SERPINB8: variants seen among roughly 807,000 people sequenced by gnomAD.
SERPINB8 encodes the protein serpin B8.
Under a neutral mutation model 35.3 loss-of-function variants are expected in SERPINB8, and 25 were observed. That is an observed-to-expected ratio of 0.71 (90% CI 0.52 to 0.99). The LOEUF is 0.99. Among genes scored for constraint, SERPINB8 ranks in the 50% least tolerant of loss-of-function variants. The pLI is 0.00. For missense variants in SERPINB8, 484 were observed against 446.5 expected (o/e 1.08, Z -0.76); for synonymous variants, 186 against 160.8 (o/e 1.16, Z -1.19).
At chr18:63,971,399 G>C (rs2050478080) in intron 1 of SERPINB8, among the ~76,000 whole-genome samples, 1 of 152,182 alleles carries the variant, frequency 6.6e-6, no homozygotes, top group Admixed American at 6.5e-5. Flanking sequence ...GGCTGTCTTT[G>C]TTACAGGTTC....
At position 64,004,654 on chromosome 18, in the gene SERPINB8, G is replaced by A. The variant is rs528615890; in HGVS notation, c.71-165G>A. Among the ~76,000 whole-genome samples the A allele has an allele frequency of 3.9e-5, 6 of 152,206 alleles. No individual in the cohort carries two copies. The East Asian group carries it at 1.2e-3, about 29-fold the overall frequency. ...ATATTTGGAAATTTGAAAGCTTGCT[G>A]ATTTTTATTTATTTTTACTTCACTT... On this transcript the variant is annotated intron_variant, in intron 1 of 1. Transcript: ENST00000493661.
chr18:64,004,581 G>A (rs969027114), intron 1 of SERPINB8, among the ~76,000 whole-genome samples: 2 of 152,108 alleles, frequency 1.3e-5, no homozygotes, highest in African/African-American at 4.8e-5. Context: ...TCACTTTTAA[G>A]AGCTATGTAT....
downstream of SERPINB8, among the ~76,000 whole-genome samples, chr18:64,006,893 G>A (rs539680400): frequency 6.6e-6 from 1 of 151,956 alleles, no homozygotes; most frequent in East Asian, 1.9e-4. Context: ...AAACAAGGCT[G>A]AAAAAAACCT....
chr18:63,983,834 C>A, intron 5 of SERPINB8, 113 bp downstream of exon 5: 1 of 771,270 alleles, frequency 1.3e-6, no homozygotes, highest in Non-Finnish European at 2.1e-6. Flanking sequence ...TAATCTATTT[C>A]TGAATTATAT....
chr18:64,012,068 G>A (rs929724865), intron 7 of SERPINB8, among the ~76,000 whole-genome samples: 2 of 151,936 alleles, frequency 1.3e-5, no homozygotes, highest in African/African-American at 4.8e-5. Flanking sequence ...CTTAAGACCC[G>A]TAACTATTTA....
At chr18:63,972,551 A>G (rs1426589444) in intron 1 of SERPINB8, among the ~76,000 whole-genome samples, 2 of 152,096 alleles carry the variant, frequency 1.3e-5, no homozygotes, top group Admixed American at 6.5e-5. Flanking sequence ...AGTTTGATAC[A>G]TAGGTATACA....
At chr18:64,003,072 C>T (rs1029355065) in intron 1 of SERPINB8, among the ~76,000 whole-genome samples, 1 of 152,250 alleles carries the variant, frequency 6.6e-6, no homozygotes, top group East Asian at 1.9e-4. Context: ...TGCCTACTGA[C>T]ACCTGGCCTC....
Position 63,985,941 on chromosome 18 carries a change from C to G in SERPINB8, c.720+696C>G, listed in dbSNP as rs192558906. ...TCTCATGACATGGTAAATACTCCCA[C>G]CATGGCCGACTTTAGTCTACTGAGG... is the stretch of plus-strand genomic sequence containing the variant. On this transcript the variant is annotated intron_variant, in intron 6 of 6. Transcript: ENST00000397985. Among the ~76,000 whole-genome samples the G allele has an allele frequency of 5.2e-3, 791 of 152,248 alleles. 4 individuals are homozygous for G. The highest frequency in any genetic ancestry group is 6.6e-3 in the Non-Finnish European group (446 of 68,016).
Position 63,987,097 on chromosome 18 carries a change from A to G in SERPINB8, c.944A>G (p.His315Arg), listed in dbSNP as rs773149237. The G allele has an allele frequency of 5.6e-6, 9 of 1,614,084 alleles. No individual in the cohort carries two copies. Among genetic ancestry groups the G allele is most frequent in the African/African-American group, 1.3e-5 (1 of 74,934 alleles). ...EKNVPLSKVA[H>R]KCFVEVNEEG... The stretch of plus-strand genomic sequence containing the variant: ...AATGTGCCTCTGTCCAAGGTTGCCC[A>G]CAAGTGCTTCGTGGAGGTCAATGAG... Residue 315 changes from histidine (H) to arginine (R), a missense_variant, in exon 7 of 7, where the codon CAC becomes CGC. Coordinates refer to ENST00000397985, the MANE Select transcript of SERPINB8 (RefSeq NM_002640.4).
chr18:63,974,449 T>A (rs1884335834), intron 1 of SERPINB8, among the ~76,000 whole-genome samples: 1 of 152,180 alleles, frequency 6.6e-6, no homozygotes, highest in African/African-American at 2.4e-5. Context: ...ATCATATACT[T>A]GGAAACGTAA....
downstream of SERPINB8, among the ~76,000 whole-genome samples, chr18:63,990,673 C>G (rs927178476): frequency 6.6e-6 from 1 of 151,204 alleles, no homozygotes; most frequent in East Asian, 1.9e-4. Flanking sequence ...TCCCTCCCCC[C>G]CACCCCACAA....
rs1193872039 is a variant in SERPINB8, at chr18:63,987,988, A to G, written c.*710A>G. The G allele has an allele frequency of 1.3e-5, 2 of 152,240 alleles. No homozygotes were observed. Among genetic ancestry groups the G allele is most frequent in the Admixed American group, 6.5e-5 (1 of 15,286 alleles). 9.4% of individuals were successfully genotyped at this position (152,240 alleles called of 1,614,324 possible). A position where few individuals can be genotyped will look rare whatever the true frequency, so the allele number is the denominator to read the frequency against. ...TACGCAACACACCACTGAGTCCTCT[A>G]ACTAATCATATGTGCTCAGACACAG... On this transcript the variant is annotated 3_prime_UTR_variant, in exon 7 of 7. Coordinates refer to ENST00000397985, the MANE Select transcript of SERPINB8 (RefSeq NM_002640.4).
In SERPINB8 at chr18:63,970,165, C is replaced by G. The variant is rs1398270037; in HGVS notation, c.-16C>G. ...GCGGCGGCGGCAGCAGCAGCAGCAGCAGGAGGTGGGGGCCTCTGCCAGGTA... is the reference window on the plus strand; with the variant it reads ...GCGGCGGCGGCAGCAGCAGCAGCAGGAGGAGGTGGGGGCCTCTGCCAGGTA... On this transcript the variant is annotated 5_prime_UTR_variant, in exon 1 of 7. Coordinates refer to ENST00000397985, the MANE Select transcript of SERPINB8 (RefSeq NM_002640.4). 8.7e-5 allele frequency: 31 copies of G among 356,820 alleles called. No homozygotes were observed. Among genetic ancestry groups the G allele is most frequent in the South Asian group, 1.5e-4 (7 of 46,504 alleles). 22.1% of individuals were successfully genotyped at this position (356,820 alleles called of 1,614,324 possible).
At chr18:63,981,699 A>T in intron 3 of SERPINB8, 22 bp from the exon 4 acceptor site, 1 of 1,512,192 alleles carries the variant, frequency 6.6e-7, no homozygotes, top group Admixed American at 1.8e-5. Context: ...ATGAGACTAA[A>T]CTCAGTGTTT....
intron 6 of SERPINB8, 113 bp from the exon 7 acceptor site, chr18:63,986,761 G>T: frequency 7.3e-7 from 1 of 1,379,124 alleles, no homozygotes; most frequent in Non-Finnish European, 9.7e-7. Context: ...AGATTTTCTT[G>T]GACCAGAACT....
chr18:64,008,253 A>AT (rs1008684216), downstream of SERPINB8, among the ~76,000 whole-genome samples: 3 of 151,890 alleles, frequency 2.0e-5, no homozygotes, highest in African/African-American at 7.3e-5. Flanking sequence ...GTACCTTTTT[A>AT]TTTTTTTGAC....
chr18:63,974,880 G>T (rs1402696106), intron 1 of SERPINB8, among the ~76,000 whole-genome samples: 1 of 152,098 alleles, frequency 6.6e-6, no homozygotes, highest in Non-Finnish European at 1.5e-5. Flanking sequence ...TATTGTGGCT[G>T]CAGGGTAGAT....
At chr18:64,000,171 CT>C (rs2050867535) in intron 1 of SERPINB8, among the ~76,000 whole-genome samples, 1 of 152,184 alleles carries the variant, frequency 6.6e-6, no homozygotes, top group Admixed American at 6.5e-5. Context: ...CTCTGCTGAC[CT>C]TTGAAACATC....
At chr18:63,985,919 C>T (rs1243197421) in intron 6 of SERPINB8, among the ~76,000 whole-genome samples, 1 of 152,130 alleles carries the variant, frequency 6.6e-6, no homozygotes, top group Non-Finnish European at 1.5e-5. Flanking sequence ...TGCTGATTCT[C>T]ATGACATGGT....
Sources: gnomAD v4.1 joint callset for allele counts (sites outside exome capture counted in the v4.1 genomes callset) on GRCh38, gnomAD v4.1.1 for gene constraint, MANE v1.5 for transcripts, NCBI Gene and HGNC (gene_info 2026-07-23, HGNC 2026-07-21) for gene names.